VRK2: variants seen among roughly 807,000 people sequenced by gnomAD.
The protein encoded by VRK2 is VRK serine/threonine kinase 2.
A neutral mutation model predicts 57.6 loss-of-function variants in VRK2; 60 were observed. That is an observed-to-expected ratio of 1.04 (90% confidence interval 0.85 to 1.29). The LOEUF (loss-of-function observed/expected upper bound fraction) is 1.29, where lower values mean the gene tolerates loss of function less well. Ranked by LOEUF, VRK2 falls within the 50% of genes most tolerant of loss-of-function variation. The probability of loss-of-function intolerance (pLI) is 0.00; values close to 1 mark genes in which losing one functional copy is unlikely to be tolerated. For missense variants in VRK2, 705 were observed against 588.1 expected (o/e 1.20, Z -2.06); for synonymous variants, 231 against 199.2 (o/e 1.16, Z -1.35).
At position 57,992,611 on chromosome 2, in the gene VRK2, A is replaced by T. The variant is rs974177481; in HGVS notation, c.-438-33054A>T. ...GACTGCAGTGGCGCAATCTCAGCTC[A>T]CTGCAAGCTCCGCTTCCCGGGTTCA... On this transcript the variant is annotated intron_variant, in intron 1 of 15. Coordinates refer to the VRK2 transcript ENST00000417641. Among the ~76,000 whole-genome samples the T allele has an allele frequency of 2.2e-4, 33 of 151,950 alleles. 1 individual carries two copies. The highest frequency in any genetic ancestry group is 2.1e-4 in the South Asian group (1 of 4,822).
At chr2:58,142,686 T>C (rs747088865) in intron 11 of VRK2, among the ~76,000 whole-genome samples, 15 of 151,812 alleles carry the variant, frequency 9.9e-5, no homozygotes, top group African/African-American at 1.7e-4. Flanking sequence ...AGAATGCTTA[T>C]TGAGGTGAGC....
At chr2:58,074,661 A>G (rs1178972583) in intron 2 of VRK2, among the ~76,000 whole-genome samples, 1 of 152,120 alleles carries the variant, frequency 6.6e-6, no homozygotes, top group Non-Finnish European at 1.5e-5. Flanking sequence ...CTTTTTGCCA[A>G]TTAAAATAAA....
chr2:57,916,106 T>A (rs887004569), intron 1 of VRK2, among the ~76,000 whole-genome samples: 2 of 151,988 alleles, frequency 1.3e-5, no homozygotes, highest in Non-Finnish European at 2.9e-5. Flanking sequence ...AATGTTTCAA[T>A]CTTAAGAATA....
chr2:57,953,142 G>A (rs1046692033), intron 1 of VRK2, among the ~76,000 whole-genome samples: 2 of 152,308 alleles, frequency 1.3e-5, no homozygotes, highest in African/African-American at 4.8e-5. Context: ...AGAAGATGAT[G>A]ATCCAGAAAC....
chr2:58,040,343 G>C (rs1467536590), intron 3 of VRK2, among the ~76,000 whole-genome samples: 2 of 152,092 alleles, frequency 1.3e-5, no homozygotes, highest in African/African-American at 2.4e-5. Flanking sequence ...GGAAGACTAG[G>C]TTTGTCCAAT....
intron 1 of VRK2, among the ~76,000 whole-genome samples, chr2:57,923,349 C>T (rs549349712): frequency 2.0e-5 from 3 of 152,072 alleles, no homozygotes; most frequent in African/African-American, 4.8e-5. Context: ...CCCACCAATA[C>T]TGTATGAGGG....
intron 2 of VRK2, among the ~76,000 whole-genome samples, chr2:58,054,313 T>C (rs1459567384): frequency 6.6e-6 from 1 of 152,054 alleles, no homozygotes; most frequent in Non-Finnish European, 1.5e-5. Flanking sequence ...TAAAATACTC[T>C]ATTCTTCAGT....
At chr2:57,975,419 T>C (rs1672219320) in intron 1 of VRK2, among the ~76,000 whole-genome samples, 1 of 152,094 alleles carries the variant, frequency 6.6e-6, no homozygotes, top group African/African-American at 2.4e-5. Context: ...CCACAAACTT[T>C]GTGGTTTCAA....
At chr2:57,949,571 C>T (rs1671362995) in intron 1 of VRK2, among the ~76,000 whole-genome samples, 1 of 152,106 alleles carries the variant, frequency 6.6e-6, no homozygotes, top group Non-Finnish European at 1.5e-5. Context: ...ACCAACTGGC[C>T]ATTCTCCTAT....
chr2:58,072,947 A>T (rs1337428462), intron 2 of VRK2, among the ~76,000 whole-genome samples: 1 of 152,012 alleles, frequency 6.6e-6, no homozygotes, highest in African/African-American at 2.4e-5. Flanking sequence ...TCCTAATCAG[A>T]TATATGTATT....
intron 1 of VRK2, among the ~76,000 whole-genome samples, chr2:57,924,510 C>T (rs1047652394): frequency 6.6e-6 from 1 of 151,892 alleles, no homozygotes; most frequent in Non-Finnish European, 1.5e-5. Context: ...TGACTCCTTT[C>T]TCATATTGTT....
At chr2:57,928,826 G>C (rs1221467688) in intron 1 of VRK2, among the ~76,000 whole-genome samples, 1 of 152,200 alleles carries the variant, frequency 6.6e-6, no homozygotes, top group African/African-American at 2.4e-5. Context: ...CTACCTTGGT[G>C]GTCTTGGATA....
At chr2:57,916,844 G>A (rs2103896435) in intron 1 of VRK2, among the ~76,000 whole-genome samples, 2 of 152,272 alleles carry the variant, frequency 1.3e-5, no homozygotes, top group South Asian at 4.1e-4. Flanking sequence ...TCTTTGGAAA[G>A]TCACTTAAGT....
intron 2 of VRK2, among the ~76,000 whole-genome samples, chr2:58,055,056 C>T (rs1676313482): frequency 6.6e-6 from 1 of 152,180 alleles, no homozygotes; most frequent in Non-Finnish European, 1.5e-5. Context: ...GAAACATCTA[C>T]AGATGCAATG....
intron 1 of VRK2, among the ~76,000 whole-genome samples, chr2:57,950,280 T>C (rs1016304261): frequency 1.3e-5 from 2 of 152,254 alleles, no homozygotes; most frequent in East Asian, 1.9e-4. Context: ...GGTCAACTCC[T>C]GGCTTCAAAA....
chr2:57,919,779 T>C (rs1337388938), intron 1 of VRK2, among the ~76,000 whole-genome samples: 1 of 152,120 alleles, frequency 6.6e-6, no homozygotes, highest in Non-Finnish European at 1.5e-5. Context: ...TATAGTTTAT[T>C]AATGGGAAAA....
chr2:57,923,434 AGAT>A (rs751304598), intron 1 of VRK2, among the ~76,000 whole-genome samples: 1 of 151,842 alleles, frequency 6.6e-6, no homozygotes, highest in East Asian at 1.9e-4. Context: ...AACTGAACTG[AGAT>A]GATAACTCTT....
chr2:57,990,049 G>A (rs1356273585), intron 1 of VRK2, among the ~76,000 whole-genome samples: 1 of 152,184 alleles, frequency 6.6e-6, no homozygotes, highest in Non-Finnish European at 1.5e-5. Context: ...GATTCTGCTA[G>A]TGTTGGAAAA....
intron 1 of VRK2, among the ~76,000 whole-genome samples, chr2:57,944,032 T>C (rs541095732): frequency 6.6e-5 from 10 of 152,176 alleles, no homozygotes; most frequent in Non-Finnish European, 1.5e-4. Flanking sequence ...TCATAGAGTG[T>C]AGTTTGCTGA....
Sources: gnomAD v4.1 joint callset for allele counts (sites outside exome capture counted in the v4.1 genomes callset) on GRCh38, gnomAD v4.1.1 for gene constraint, MANE v1.5 for transcripts, NCBI Gene and HGNC (gene_info 2026-07-23, HGNC 2026-07-21) for gene names.